SH3D19: variants seen among roughly 807,000 people sequenced by gnomAD.
The protein encoded by SH3D19 is SH3 domain containing 19, also known as SH3 domain-containing protein 19.
A neutral mutation model predicts 112.1 loss-of-function variants in SH3D19; 58 were observed. The ratio of observed to expected loss-of-function variants is 0.52; its 90% CI spans 0.42 to 0.64. The LOEUF (loss-of-function observed/expected upper bound fraction) is 0.64, where lower values mean the gene tolerates loss of function less well. Ranked by LOEUF, SH3D19 falls within the 30% of genes least tolerant of loss-of-function variation. The pLI, the probability that SH3D19 is intolerant of heterozygous loss-of-function variation, is 0.00. For missense variants in SH3D19, 1,090 were observed against 1,263.4 expected (o/e 0.86, Z 2.08); for synonymous variants, 391 against 448.5 (o/e 0.87, Z 1.62).
At chr4:151,264,288 G>A (rs553400981) in intron 1 of SH3D19, among the ~76,000 whole-genome samples, 8 of 151,896 alleles carry the variant, frequency 5.3e-5, no homozygotes, top group Middle Eastern at 3.4e-3. Context: ...AAAATTAGCC[G>A]GGCATGGTGG....
chr4:151,207,116 C>T (rs1765234074), intron 2 of SH3D19, among the ~76,000 whole-genome samples: 1 of 152,188 alleles, frequency 6.6e-6, no homozygotes, highest in Non-Finnish European at 1.5e-5. Flanking sequence ...GAAACCTGGC[C>T]ATAGGTGCCT....
chr4:151,127,715 G>A lies in SH3D19; in HGVS notation c.2930C>T (p.Ala977Val). The change falls in exon 19 of 20, where the codon GCT becomes GTT. Residue 977 changes from alanine to valine, a missense_variant and splice_region_variant. Transcript: ENST00000604030. ...FPAVFVRPCPAEAKSMLAIVP... is the reference protein window; with the variant it reads ...FPAVFVRPCPVEAKSMLAIVP... ...TATGGCCAACATACTTTTTGCCTCA[G>A]CTGTGAAGACATAAAAAATTTAAAT... 1 of 1,567,506 alleles carries A rather than the reference G, an allele frequency of 6.4e-7. No individual in the cohort carries two copies. Among genetic ancestry groups the A allele is most frequent in the South Asian group, 1.2e-5 (1 of 83,148 alleles).
intron 1 of SH3D19, among the ~76,000 whole-genome samples, chr4:151,243,185 A>C (rs1333457250): frequency 1.3e-5 from 2 of 152,230 alleles, no homozygotes; most frequent in East Asian, 1.9e-4. Context: ...TTATGATGCT[A>C]ATCAGCTTGG....
intron 7 of SH3D19, 23 bp from the exon 8 acceptor site, chr4:151,165,719 T>C: frequency 6.3e-7 from 1 of 1,599,018 alleles, no homozygotes; most frequent in Non-Finnish European, 8.6e-7. Context: ...ATAGTTTATT[T>C]TGCATGTTTT....
intron 7 of SH3D19, among the ~76,000 whole-genome samples, chr4:151,172,165 G>C (rs1178772404): frequency 7.9e-5 from 12 of 152,144 alleles, no homozygotes; most frequent in Non-Finnish European, 1.5e-4. Context: ...GTGTCTGGAT[G>C]ATTAGGCAAG....
intron 1 of SH3D19, among the ~76,000 whole-genome samples, chr4:151,229,286 A>T (rs1434763281): frequency 6.6e-6 from 1 of 152,136 alleles, no homozygotes; most frequent in Admixed American, 6.5e-5. Flanking sequence ...CCAAAGTCTC[A>T]TCATTTCTAT....
At position 151,137,748 on chromosome 4, in the gene SH3D19, T is replaced by C. The variant is rs1752157502; in HGVS notation, c.2411A>G (p.Asn804Ser). The change falls in exon 14 of 20, where the codon AAC becomes AGC. Residue 804 changes from asparagine (N) to serine (S), a missense_variant. Transcript: ENST00000604030. ...CCCACTTACAATCACTTTGACATAGTTGGCAGGAAATATGCCAATCTGGTT... is the reference window on the plus strand; with the variant it reads ...CCCACTTACAATCACTTTGACATAGCTGGCAGGAAATATGCCAATCTGGTT... The part of the protein sequence containing the change: ...CRNQIGIFPA[N>S]YVKVIIDIPE... 1 of 1,602,266 alleles carries C rather than the reference T, an allele frequency of 6.2e-7. No individual in the cohort carries two copies. The highest frequency in any genetic ancestry group is 1.3e-5 in the African/African-American group (1 of 74,306).
Position 151,120,487 on chromosome 4 carries a change from TAC to T in SH3D19, c.*1602_*1603del, listed in dbSNP as rs1365415013. 1.3e-5 allele frequency: 2 copies of T among 152,414 alleles called. No individual in the cohort carries two copies. Among genetic ancestry groups the T allele is most frequent in the East Asian group, 1.9e-4 (1 of 5,200 alleles). The allele number at this position is 152,414 out of a possible 1,614,324, so 9.4% of individuals were successfully genotyped here. On this transcript the variant is annotated 3_prime_UTR_variant, in exon 20 of 20. Coordinates refer to ENST00000604030, the MANE Select transcript of SH3D19 (RefSeq NM_001378122.1). ...CCATTCCATATCCTTCCTGCTGTTG[TAC>T]AGTTTGCTGCAAATGATAATTTAAT...
chr4:151,232,835 T>G lies in SH3D19; in HGVS notation c.113-6749A>C, dbSNP rs138989848. 9.4e-3 allele frequency among the ~76,000 whole-genome samples: 1,427 copies of G among 152,104 alleles called. 17 individuals are homozygous for G. The highest frequency in any genetic ancestry group is 0.032 in the African/African-American group (1,325 of 41,408). Reference sequence around the variant, plus strand: ...GCTGCTGTACCAAATTACCACAAACTTAGCAGCTTAAGACAACAAAAATGT... The same window carrying G: ...GCTGCTGTACCAAATTACCACAAACGTAGCAGCTTAAGACAACAAAAATGT... On this transcript the variant is annotated intron_variant, in intron 1 of 19. Transcript: ENST00000604030.
Position 151,148,201 on chromosome 4 carries a change from A to C in SH3D19, c.1818-15T>G. On this transcript the variant is annotated splice_polypyrimidine_tract_variant and intron_variant, in intron 10 of 19. Coordinates refer to ENST00000604030, the MANE Select transcript of SH3D19 (RefSeq NM_001378122.1). ...CATTCACAGGTCTGAAAGTCAATGTAGTAGCCATGAGTCAGTGTTTTGATC... is the reference window on the plus strand; with the variant it reads ...CATTCACAGGTCTGAAAGTCAATGTCGTAGCCATGAGTCAGTGTTTTGATC... The C allele has an allele frequency of 6.3e-7, 1 of 1,577,504 alleles. No homozygotes were observed. Among genetic ancestry groups the C allele is most frequent in the Non-Finnish European group, 8.6e-7 (1 of 1,165,770 alleles).
intron 1 of SH3D19, among the ~76,000 whole-genome samples, chr4:151,276,841 C>T (rs1773668904): frequency 6.6e-6 from 1 of 152,204 alleles, no homozygotes; most frequent in Non-Finnish European, 1.5e-5. Flanking sequence ...ATCCTGTCCA[C>T]CTTCTATCTC....
At chr4:151,125,635 C>T (rs1276534130) in intron 19 of SH3D19, among the ~76,000 whole-genome samples, 3 of 151,692 alleles carry the variant, frequency 2.0e-5, no homozygotes, top group Non-Finnish European at 4.4e-5. Flanking sequence ...AGGCAGATCA[C>T]GAGGTCAGGA....
intron 1 of SH3D19, chr4:151,277,087 C>G: frequency 1.9e-6 from 2 of 1,030,590 alleles, no homozygotes; most frequent in Non-Finnish European, 2.6e-6. Flanking sequence ...CTAGGAGAAG[C>G]TAGTTCTGGC....
At chr4:151,145,883 A>T (rs1753839380) in intron 11 of SH3D19, among the ~76,000 whole-genome samples, 1 of 152,216 alleles carries the variant, frequency 6.6e-6, no homozygotes, top group Non-Finnish European at 1.5e-5. Context: ...TTAAAGGAGG[A>T]TAATAATATC....
chr4:151,238,699 A>G (rs1480036453), intron 1 of SH3D19, among the ~76,000 whole-genome samples: 1 of 151,878 alleles, frequency 6.6e-6, no homozygotes, highest in Non-Finnish European at 1.5e-5. Context: ...TCTAACTGAG[A>G]TTTTTATCCA....
chr4:151,210,041 T>C lies in SH3D19; in HGVS notation c.152+16006A>G, dbSNP rs72723766. On this transcript the variant is annotated intron_variant, in intron 2 of 19. Transcript: ENST00000604030. ...GGACCATTTTCTTCTGGTTCATCCA[T>C]AAAAAACACAGGGAAAGGGAAGAAT... Among the ~76,000 whole-genome samples, 1,423 of 152,212 alleles carry C rather than the reference T, an allele frequency of 9.3e-3. 7 individuals are homozygous for C. The highest frequency in any genetic ancestry group is 0.016 in the Non-Finnish European group (1,067 of 68,012).
At chr4:151,287,665 C>T (rs922359852) in intron 1 of SH3D19, among the ~76,000 whole-genome samples, 4 of 152,090 alleles carry the variant, frequency 2.6e-5, no homozygotes, top group African/African-American at 4.8e-5. Context: ...GAGGCCAAGA[C>T]GGGAGGATCA....
Position 151,175,503 on chromosome 4 carries a change from A to G in SH3D19, c.701T>C (p.Leu234Pro). ...PVPKPRSKSNLRPIPRDSHIK... is the reference protein window; with the variant it reads ...PVPKPRSKSNPRPIPRDSHIK... Reference sequence around the variant, plus strand: ...GTGAGAATCTCTGGGTATTGGTCTGAGGTTGCTTTTTGATCTTGGTTTTGG... The same window carrying G: ...GTGAGAATCTCTGGGTATTGGTCTGGGGTTGCTTTTTGATCTTGGTTTTGG... Residue 234 changes from leucine to proline, a missense_variant, in exon 7 of 20, where the codon CTC becomes CCC. By Grantham distance (98) the Leu-to-Pro change is moderately conservative. Transcript: ENST00000604030. 7.0e-7 allele frequency: 1 copy of G among 1,423,010 alleles called. No individual in the cohort carries two copies. The highest frequency in any genetic ancestry group is 9.2e-7 in the Non-Finnish European group (1 of 1,092,660). The allele number at this position is 1,423,010 out of a possible 1,614,324, so 88.1% of individuals were successfully genotyped here.
At chr4:151,216,059 G>A (rs1469600651) in intron 2 of SH3D19, among the ~76,000 whole-genome samples, 1 of 152,126 alleles carries the variant, frequency 6.6e-6, no homozygotes, top group African/African-American at 2.4e-5. Flanking sequence ...TCGAACTCCT[G>A]ACCTCGTGAT....
Sources: allele counts gnomAD v4.1 joint callset (sites outside exome capture counted in the v4.1 genomes callset), GRCh38; gene constraint gnomAD v4.1.1; transcripts MANE v1.5; gene names NCBI Gene and HGNC (gene_info 2026-07-23, HGNC 2026-07-21).